NAA11: variants seen among roughly 807,000 people sequenced by gnomAD.
The protein encoded by NAA11 is N-alpha-acetyltransferase 11, NatA catalytic subunit.
In NAA11, 15 loss-of-function variants were observed where a neutral mutation model predicts 16.1. The observed-to-expected ratio is 0.93, with a 90% CI of 0.62 to 1.44. The LOEUF is 1.44. Ranked by LOEUF, NAA11 falls within the 40% of genes most tolerant of loss-of-function variation. NAA11 has a pLI of 0.00. For synonymous variants in NAA11, 122 were observed against 112.4 expected (o/e 1.09, Z -0.54); for missense variants, 298 against 291.3 (o/e 1.02, Z -0.17).
chr4:79,242,104 A>G (rs1488860060), intron 2 of NAA11, among the ~76,000 whole-genome samples: 1 of 152,094 alleles, frequency 6.6e-6, no homozygotes, highest in African/African-American at 2.4e-5. Flanking sequence ...ATCTAGTAGT[A>G]CTCATCCCCT....
the NAA11 span, among the ~76,000 whole-genome samples, chr4:79,189,489 G>A: frequency 1.4e-4 from 21 of 152,280 alleles, no homozygotes; most frequent in Admixed American, 3.3e-4. Flanking sequence ...GTAGGCAGAA[G>A]TGGCATTCGG....
intron 2 of NAA11, among the ~76,000 whole-genome samples, chr4:79,266,236 C>T (rs1026758864): frequency 6.6e-6 from 1 of 152,170 alleles, no homozygotes; most frequent in African/African-American, 2.4e-5. Context: ...GATCGGCACT[C>T]GCAGAGATAA....
chr4:79,167,300 G>C, the NAA11 span, among the ~76,000 whole-genome samples: 2 of 141,894 alleles, frequency 1.4e-5, no homozygotes, highest in Non-Finnish European at 3.1e-5. Context: ...GAGAGAGAGA[G>C]ACGTGGTAAG....
chr4:79,250,385 C>T (rs973588520), intron 2 of NAA11, among the ~76,000 whole-genome samples: 4 of 152,226 alleles, frequency 2.6e-5, no homozygotes, highest in Admixed American at 6.5e-5. Context: ...AGCTGGCCAG[C>T]GGCAGCAGAC....
intron 2 of NAA11, among the ~76,000 whole-genome samples, chr4:79,270,254 G>C (rs150141992): frequency 0.033 from 4,965 of 151,896 alleles, 254 homozygotes; most frequent in African/African-American, 0.11. Context: ...GTCATTGGTA[G>C]CTTGATGGAG....
At chr4:79,190,383 A>C in the NAA11 span, among the ~76,000 whole-genome samples, 1 of 152,166 alleles carries the variant, frequency 6.6e-6, no homozygotes, top group South Asian at 2.1e-4. Flanking sequence ...TTCAAATACA[A>C]GAATAAAATA....
At chr4:79,166,640 C>T in the NAA11 span, among the ~76,000 whole-genome samples, 3 of 141,132 alleles carry the variant, frequency 2.1e-5, no homozygotes, top group South Asian at 2.6e-4. Flanking sequence ...GAGGCTGAGG[C>T]GGGCGGATCA....
chr4:79,318,851 G>C (rs962105062), intron 1 of NAA11, among the ~76,000 whole-genome samples: 12 of 152,104 alleles, frequency 7.9e-5, no homozygotes, highest in Non-Finnish European at 1.5e-5. Context: ...CTGTAATAAA[G>C]GCTATAGGAT....
At chr4:79,243,301 T>A (rs1325698377) in intron 2 of NAA11, among the ~76,000 whole-genome samples, 1 of 152,154 alleles carries the variant, frequency 6.6e-6, no homozygotes, top group African/African-American at 2.4e-5. Flanking sequence ...TTTTAAAAAA[T>A]GAAGATGAGG....
the NAA11 span, among the ~76,000 whole-genome samples, chr4:79,173,549 G>C: frequency 1.3e-5 from 2 of 151,950 alleles, no homozygotes; most frequent in Non-Finnish European, 2.9e-5. Context: ...TAAGAACATA[G>C]ATAAATACAA....
the NAA11 span, among the ~76,000 whole-genome samples, chr4:79,219,420 TATG>T: frequency 6.6e-6 from 1 of 152,308 alleles, no homozygotes; most frequent in Middle Eastern, 3.4e-3. Context: ...AGCAAGCTGT[TATG>T]ATATTGGCTT....
rs148894099 is a variant in NAA11 at position 79,282,673 on chromosome 4, G to A, written c.*122+11332C>T. ...AAGTTTTGCAAATCTCAGAAGTTTTGTTTGAGGCATGTTAATGAGTTGCAT... is the reference window on the plus strand; with the variant it reads ...AAGTTTTGCAAATCTCAGAAGTTTTATTTGAGGCATGTTAATGAGTTGCAT... On this transcript the variant is annotated intron_variant and NMD_transcript_variant, in intron 2 of 2. Coordinates refer to the NAA11 transcript ENST00000511542. Among the ~76,000 whole-genome samples, 24 of 152,178 alleles carry A rather than the reference G, an allele frequency of 1.6e-4. 2 individuals are homozygous for A. In the East Asian group the frequency reaches 4.4e-3, roughly 28 times the overall value.
At chr4:79,240,485 G>A (rs1001794483) in intron 2 of NAA11, among the ~76,000 whole-genome samples, 5 of 152,116 alleles carry the variant, frequency 3.3e-5, no homozygotes, top group Non-Finnish European at 7.4e-5. Flanking sequence ...GATTGGCAAT[G>A]TTCTTCTCAA....
intron 2 of NAA11, among the ~76,000 whole-genome samples, chr4:79,239,503 C>T (rs575313439): frequency 2.5e-4 from 38 of 152,146 alleles, no homozygotes; most frequent in African/African-American, 8.7e-4. Flanking sequence ...GAATTCAAGA[C>T]CAGCCGGCCA....
At chr4:79,164,460 C>T in the NAA11 span, among the ~76,000 whole-genome samples, 1 of 152,144 alleles carries the variant, frequency 6.6e-6, no homozygotes. Flanking sequence ...AGAGAAGACA[C>T]CAAGGTTATT....
chr4:79,221,218 T>G (rs998434941), downstream of NAA11, among the ~76,000 whole-genome samples: 1 of 151,816 alleles, frequency 6.6e-6, no homozygotes, highest in African/African-American at 2.4e-5. Context: ...TTTTGTACAT[T>G]GATTTTGTAT....
intron 1 of NAA11, chr4:79,305,228 C>CA (rs1046337250): frequency 1.3e-5 from 2 of 152,192 alleles, no homozygotes; most frequent in African/African-American, 2.4e-5. Context: ...GCTCTTCCCC[C>CA]ACCATGTATG....
At chr4:79,198,253 G>A in the NAA11 span, among the ~76,000 whole-genome samples, 3 of 151,800 alleles carry the variant, frequency 2.0e-5, no homozygotes, top group African/African-American at 4.8e-5. Context: ...TGCCTCCTTC[G>A]TGGGCAGAAC....
At chr4:79,205,757 A>G in the NAA11 span, among the ~76,000 whole-genome samples, 1 of 151,954 alleles carries the variant, frequency 6.6e-6, no homozygotes, top group African/African-American at 2.4e-5. Context: ...CTACATTTGG[A>G]TATTTAATTC....
Sources: allele counts gnomAD v4.1 joint callset (sites outside exome capture counted in the v4.1 genomes callset), GRCh38; gene constraint gnomAD v4.1.1; transcripts MANE v1.5; gene names NCBI Gene and HGNC (gene_info 2026-07-23, HGNC 2026-07-21).